The following KPNA1 variants were observed in gnomAD, a reference collection of about 807,000 sequenced individuals.
KPNA1 encodes the protein karyopherin subunit alpha 1.
A neutral mutation model predicts 70.5 loss-of-function variants in KPNA1; 10 were observed. The ratio of observed to expected loss-of-function variants is 0.14; its 90% CI spans 0.09 to 0.24. The LOEUF is 0.24. KPNA1 is among the 10% of genes least tolerant of loss of function. The pLI is 1.00. For missense variants in KPNA1, 397 were observed against 637.9 expected (o/e 0.62, Z 4.07); for synonymous variants, 192 against 221.9 (o/e 0.87, Z 1.20).
Position 122,446,724 on chromosome 3 carries a change from G to A in KPNA1, c.917+2850C>T, listed in dbSNP as rs185796723. 3.6e-3 allele frequency among the ~76,000 whole-genome samples: 553 copies of A among 152,278 alleles called. 2 individuals carry two copies. Among genetic ancestry groups the A allele is most frequent in the African/African-American group, 0.013 (535 of 41,550 alleles). On this transcript the variant is annotated intron_variant, in intron 9 of 13. Coordinates refer to ENST00000344337, the MANE Select transcript of KPNA1 (RefSeq NM_002264.4). ...CAAAAAACCCTTCAAAAAAATAAAT[G>A]AATCCAGGAGCTGGTGTTTTGAAAA...
At chr3:122,452,238 G>C (rs1199206934) in intron 6 of KPNA1, among the ~76,000 whole-genome samples, 174 bp from the exon 7 acceptor site, 1 of 152,068 alleles carries the variant, frequency 6.6e-6, no homozygotes, top group Admixed American at 6.5e-5. Context: ...AAGGTATTCG[G>C]TTTATTAAAG....
chr3:122,487,437 A>T (rs1471718557), intron 2 of KPNA1, among the ~76,000 whole-genome samples: 1 of 152,246 alleles, frequency 6.6e-6, no homozygotes, highest in African/African-American at 2.4e-5. Flanking sequence ...TCAAAACAGA[A>T]TATCAAAAGA....
intron 10 of KPNA1, among the ~76,000 whole-genome samples, chr3:122,439,042 C>G (rs1348416036): frequency 6.6e-6 from 1 of 151,922 alleles, no homozygotes; most frequent in Admixed American, 6.6e-5. Context: ...GAAAGAAATG[C>G]AAATTAAAAT....
intron 10 of KPNA1, among the ~76,000 whole-genome samples, chr3:122,439,535 G>A (rs1443377067): frequency 6.7e-6 from 1 of 150,020 alleles, no homozygotes; most frequent in Non-Finnish European, 1.5e-5. Context: ...AAAATAATAG[G>A]CTAGAAAGAA....
intron 11 of KPNA1, 119 bp downstream of exon 11, chr3:122,437,051 A>G: frequency 1.0e-6 from 1 of 970,446 alleles, no homozygotes; most frequent in Non-Finnish European, 1.5e-6. Context: ...GAGTGCTGGG[A>G]TTACAGGCAG....
intron 12 of KPNA1, among the ~76,000 whole-genome samples, chr3:122,428,003 G>A (rs575844439): frequency 3.3e-5 from 5 of 152,150 alleles, no homozygotes; most frequent in Admixed American, 6.5e-5. Flanking sequence ...TGAAATGAGC[G>A]ACTCATCAAA....
intron 2 of KPNA1, among the ~76,000 whole-genome samples, chr3:122,485,678 C>T (rs1173933300): frequency 6.6e-6 from 1 of 151,756 alleles, no homozygotes; most frequent in Non-Finnish European, 1.5e-5. Context: ...AGTAGATACA[C>T]AGCAAATAAG....
chr3:122,511,172 C>T (rs1232390645), intron 1 of KPNA1, among the ~76,000 whole-genome samples: 1 of 152,170 alleles, frequency 6.6e-6, no homozygotes, highest in Admixed American at 6.5e-5. Context: ...AGAGTACTTT[C>T]AGCGGGTCTT....
At chr3:122,465,037 C>T (rs1323874819) in intron 3 of KPNA1, among the ~76,000 whole-genome samples, 2 of 152,202 alleles carry the variant, frequency 1.3e-5, no homozygotes, top group Admixed American at 6.5e-5. Flanking sequence ...TATATACACA[C>T]ATTAAGCAAA....
chr3:122,446,719 T>C (rs1406449724), intron 9 of KPNA1, among the ~76,000 whole-genome samples: 3 of 151,978 alleles, frequency 2.0e-5, no homozygotes, highest in African/African-American at 4.8e-5. Context: ...TTCAAAAAAA[T>C]AAATGAATCC....
At chr3:122,474,712 C>T (rs1253770102) in intron 2 of KPNA1, among the ~76,000 whole-genome samples, 8 of 152,092 alleles carry the variant, frequency 5.3e-5, no homozygotes, top group African/African-American at 1.7e-4. Flanking sequence ...GTTCAACATA[C>T]GCAAATCTAT....
Position 122,495,262 on chromosome 3 carries a change from C to CAAAAAAAAAAAAAAA in KPNA1, c.129+1174_129+1175insTTTTTTTTTTTTTTT, listed in dbSNP as rs748751423. On this transcript the variant is annotated intron_variant, in intron 2 of 13. Coordinates refer to ENST00000344337, the MANE Select transcript of KPNA1 (RefSeq NM_002264.4). ...GAGCGAGACTCTGCCTCAAACAAAC[C>CAAAAAAAAAAAAAAA]AAAAAAAAAAAAAGAAAAGGAAATT... Among the ~76,000 whole-genome samples, 774 of 85,042 alleles carry CAAAAAAAAAAAAAAA rather than the reference C, an allele frequency of 9.1e-3. 5 individuals are homozygous for CAAAAAAAAAAAAAAA. The highest frequency in any genetic ancestry group is 0.015 in the African/African-American group (354 of 22,906). The allele number at this position is 85,042 out of a possible 152,430, so 55.8% of individuals were successfully genotyped here.
At chr3:122,514,391 C>G (rs1275458003) in intron 1 of KPNA1, 1 of 150,686 alleles carries the variant, frequency 6.6e-6, no homozygotes, top group Non-Finnish European at 1.5e-5. Flanking sequence ...CGCCGCCCGG[C>G]CGCGGCGCAG....
intron 2 of KPNA1, among the ~76,000 whole-genome samples, chr3:122,481,764 G>T (rs1331025095): frequency 6.6e-6 from 1 of 152,120 alleles, no homozygotes; most frequent in East Asian, 1.9e-4. Context: ...CAGACAAGTT[G>T]GTTCAAGATA....
At chr3:122,452,736 A>C (rs1203501350) in intron 6 of KPNA1, among the ~76,000 whole-genome samples, 1 of 150,962 alleles carries the variant, frequency 6.6e-6, no homozygotes, top group Non-Finnish European at 1.5e-5. Flanking sequence ...GGAGAGACGG[A>C]GGGAAGGAGA....
At chr3:122,452,618 GGAAAGGAGGGA>G (rs1560028646) in intron 6 of KPNA1, among the ~76,000 whole-genome samples, 1 of 94,110 alleles carries the variant, frequency 1.1e-5, no homozygotes, top group African/African-American at 4.1e-5. Context: ...AGGGAGGGAG[GGAAAGGAGGGA>G]GGGAGGAGAG....
Position 122,451,960 on chromosome 3 carries a change from GGAA to G in KPNA1, c.653+13_653+15del. On this transcript the variant is annotated intron_variant, in intron 7 of 13. Transcript: ENST00000344337. Reference sequence around the variant, plus strand: ...CTCAAAAAGAAAAAAAAAGGAAGAAGGAAGAAGAAACTTACTGCAAAAGAGGGG... The same window carrying G: ...CTCAAAAAGAAAAAAAAAGGAAGAAGGAAGAAACTTACTGCAAAAGAGGGG... 6.8e-7 allele frequency: 1 copy of G among 1,466,008 alleles called. No individual in the cohort carries two copies. Among genetic ancestry groups the G allele is most frequent in the Non-Finnish European group, 9.4e-7 (1 of 1,064,198 alleles). 90.8% of individuals were successfully genotyped at this position (1,466,008 alleles called of 1,614,324 possible). A position where few individuals can be genotyped will look rare whatever the true frequency, so the allele number is the denominator to read the frequency against.
chr3:122,498,549 C>A (rs755524111), intron 1 of KPNA1, among the ~76,000 whole-genome samples: 4 of 152,154 alleles, frequency 2.6e-5, no homozygotes, highest in Non-Finnish European at 4.4e-5. Flanking sequence ...TGACAACCAG[C>A]TGACTATATA....
At chr3:122,504,543 G>A (rs1487741731) in intron 1 of KPNA1, among the ~76,000 whole-genome samples, 1 of 152,348 alleles carries the variant, frequency 6.6e-6, no homozygotes, top group East Asian at 1.9e-4. Flanking sequence ...GATGGTGGGA[G>A]AGTCTATATT....
Sources: gnomAD v4.1 joint callset for allele counts (sites outside exome capture counted in the v4.1 genomes callset) on GRCh38, gnomAD v4.1.1 for gene constraint, MANE v1.5 for transcripts, NCBI Gene and HGNC (gene_info 2026-07-23, HGNC 2026-07-21) for gene names.